The following NTRK3 variants were observed in gnomAD, a reference collection of about 807,000 sequenced individuals.
The protein encoded by NTRK3 is neurotrophic receptor tyrosine kinase 3.
Under a neutral mutation model 91.7 loss-of-function variants are expected in NTRK3, and 24 were observed. The ratio of observed to expected loss-of-function variants is 0.26; its 90% confidence interval spans 0.19 to 0.37. The LOEUF (loss-of-function observed/expected upper bound fraction) is 0.37. Among genes scored for constraint, NTRK3 ranks in the 10% least tolerant of loss-of-function variants. The probability of loss-of-function intolerance (pLI) is 1.00; values close to 1 mark genes in which losing one functional copy is unlikely to be tolerated. For missense variants in NTRK3, 880 were observed against 1,068.9 expected, an observed-to-expected ratio of 0.82 and a Z score of 2.46; for synonymous variants, 483 against 404.0, an observed-to-expected ratio of 1.20 and a Z score of -2.34.
At chr15:87,978,094 T>A (rs1262160663) in intron 14 of NTRK3, 1 of 231,794 alleles carries the variant, frequency 4.3e-6, no homozygotes, top group Non-Finnish European at 8.6e-6. Flanking sequence ...GAGCCAGAAG[T>A]CTACTCCACC....
At chr15:87,952,280 GAAAGA>G (rs780708272) in intron 14 of NTRK3, among the ~76,000 whole-genome samples, 95 of 150,832 alleles carry the variant, frequency 6.3e-4, no homozygotes, top group Non-Finnish European at 7.7e-4. Context: ...AGGAAAGAAA[GAAAGA>G]AAAGAAAGAC....
chr15:87,901,359 G>A (rs1430577533), intron 17 of NTRK3, among the ~76,000 whole-genome samples: 2 of 152,234 alleles, frequency 1.3e-5, no homozygotes, highest in African/African-American at 4.8e-5. Flanking sequence ...AATTTGAGCA[G>A]GTGGACTTCT....
intron 6 of NTRK3, among the ~76,000 whole-genome samples, chr15:88,137,797 A>G (rs1450090336): frequency 6.6e-6 from 1 of 152,254 alleles, no homozygotes. Flanking sequence ...TCATGCCTGT[A>G]ATCCCAGCAC....
chr15:88,094,475 CAAAAAAAAAA>C (rs10610101), intron 13 of NTRK3, among the ~76,000 whole-genome samples: 2 of 30,326 alleles, frequency 6.6e-5, no homozygotes, highest in Admixed American at 4.3e-4. Flanking sequence ...GACTCCGTCT[CAAAAAAAAAA>C]AAAAAAAAAA....
chr15:88,118,507 C>T (rs1260696968), intron 13 of NTRK3, among the ~76,000 whole-genome samples: 1 of 152,142 alleles, frequency 6.6e-6, no homozygotes, highest in Non-Finnish European at 1.5e-5. Flanking sequence ...CATCCTGTAC[C>T]ATGATACTGT....
chr15:87,966,783 C>T (rs992525116), intron 14 of NTRK3, among the ~76,000 whole-genome samples: 13 of 146,226 alleles, frequency 8.9e-5, no homozygotes, highest in African/African-American at 2.9e-4. Context: ...CTTCTCATGG[C>T]CCTAGGACTT....
chr15:87,913,703 A>G (rs757659356), intron 17 of NTRK3, among the ~76,000 whole-genome samples: 3 of 152,240 alleles, frequency 2.0e-5, no homozygotes, highest in Non-Finnish European at 2.9e-5. Context: ...GTGACATGGG[A>G]AGCATTAGGG....
chr15:87,918,095 G>C (rs1369422), intron 17 of NTRK3, among the ~76,000 whole-genome samples: 22 of 152,000 alleles, frequency 1.4e-4, no homozygotes, highest in African/African-American at 4.1e-4. Context: ...TCTCCAGTTC[G>C]TAGTCCTGAG....
At chr15:88,070,935 T>A (rs2047042376) in intron 13 of NTRK3, among the ~76,000 whole-genome samples, 1 of 152,082 alleles carries the variant, frequency 6.6e-6, no homozygotes, top group Admixed American at 6.6e-5. Flanking sequence ...TTCCTAGCCC[T>A]CTAGCAGAAA....
At chr15:88,042,924 C>T (rs2079792519) in intron 13 of NTRK3, among the ~76,000 whole-genome samples, 1 of 152,212 alleles carries the variant, frequency 6.6e-6, no homozygotes, top group African/African-American at 2.4e-5. Flanking sequence ...ACCTTGCTGC[C>T]CCACCCTCCA....
chr15:88,175,827 T>C (rs1021630169), intron 5 of NTRK3, among the ~76,000 whole-genome samples: 2 of 152,218 alleles, frequency 1.3e-5, no homozygotes, highest in African/African-American at 2.4e-5. Flanking sequence ...TATACAGATA[T>C]ATGTGATAAA....
intron 11 of NTRK3, 82 bp downstream of exon 11, chr15:88,128,629 G>C (rs1290066001): frequency 5.6e-6 from 8 of 1,416,284 alleles, no homozygotes; most frequent in Middle Eastern, 3.5e-4. Flanking sequence ...ATGTGGAATA[G>C]GAGAGAGGGC....
chr15:87,926,971 C>T (rs564881104), intron 17 of NTRK3: 2 of 152,456 alleles, frequency 1.3e-5, no homozygotes, highest in Admixed American at 6.5e-5. Context: ...CAGCCCCACT[C>T]TAAGAAATCT....
intron 3 of NTRK3, 94 bp from the exon 4 acceptor site, chr15:88,184,393 G>T: frequency 8.4e-7 from 1 of 1,193,640 alleles, no homozygotes; most frequent in Non-Finnish European, 1.2e-6. Flanking sequence ...TCCCCGATGA[G>T]CTAATTGATT....
intron 14 of NTRK3, among the ~76,000 whole-genome samples, chr15:87,960,088 T>C (rs548372333): frequency 5.9e-5 from 9 of 152,132 alleles, no homozygotes; most frequent in Non-Finnish European, 1.0e-4. Flanking sequence ...ATGGTGAAAA[T>C]AGGAAGTGCT....
At chr15:88,184,148 C>A in intron 4 of NTRK3, 77 bp downstream of exon 4, 2 of 1,433,314 alleles carry the variant, frequency 1.4e-6, no homozygotes, top group Non-Finnish European at 1.9e-6. Context: ...GTGCCCCTCA[C>A]GCCACCCCAG....
At chr15:87,956,591 A>G (rs1198170826) in intron 14 of NTRK3, among the ~76,000 whole-genome samples, 1 of 148,124 alleles carries the variant, frequency 6.8e-6, no homozygotes, top group African/African-American at 2.5e-5. Flanking sequence ...TTTTTTTGAG[A>G]TGGAGTCTTG....
At chr15:88,050,136 A>G (rs1205282204) in intron 13 of NTRK3, among the ~76,000 whole-genome samples, 2 of 152,132 alleles carry the variant, frequency 1.3e-5, no homozygotes, top group African/African-American at 2.4e-5. Context: ...TAAACAGGAG[A>G]ACTTCCAAAG....
chr15:88,251,914 C>T (rs909422136), intron 3 of NTRK3, among the ~76,000 whole-genome samples: 1 of 152,190 alleles, frequency 6.6e-6, no homozygotes, highest in African/African-American at 2.4e-5. Context: ...CTGTCATGGC[C>T]TCAGGTCCCA....
Sources: gnomAD v4.1 joint callset for allele counts (sites outside exome capture counted in the v4.1 genomes callset) on GRCh38, gnomAD v4.1.1 for gene constraint, MANE v1.5 for transcripts, NCBI Gene and HGNC (gene_info 2026-07-23, HGNC 2026-07-21) for gene names.